Variants in COL5A1 observed in about 807,000 individuals in gnomAD.
The protein encoded by COL5A1 is collagen alpha-1(V) chain.
Under a neutral mutation model 263.7 loss-of-function variants are expected in COL5A1, and 16 were observed. The observed-to-expected ratio is 0.06, with a 90% confidence interval of 0.04 to 0.09. The LOEUF is 0.09. Ranked by LOEUF, COL5A1 falls within the 10% of genes least tolerant of loss-of-function variation. The probability of loss-of-function intolerance (pLI) is 1.00; values close to 1 mark genes in which losing one functional copy is unlikely to be tolerated. For synonymous variants in COL5A1, 1,012 were observed against 1,004.5 expected (o/e 1.01, Z -0.14); for missense variants, 2,036 against 2,540.5 (o/e 0.80, Z 4.27).
rs1834747768 is a variant in COL5A1 at position 134,728,677 on chromosome 9, AAGG to A, written c.797_799del (p.Gly266del). The A allele has an allele frequency of 1.2e-6, 2 of 1,613,974 alleles. No homozygotes were observed. Among genetic ancestry groups the A allele is most frequent in the South Asian group, 2.2e-5 (2 of 91,086 alleles). On this transcript the variant is annotated inframe_deletion, in exon 6 of 66. Coordinates refer to ENST00000371817, the MANE Select transcript of COL5A1 (RefSeq NM_000093.5). ...GCCGCAATTCGCTTTCAGTACACGG[AAGG>A]AGACGGCGAGGGTGAGACCTATTAC...
chr9:134,840,209 C>A (rs938703905), intron 65 of COL5A1, among the ~76,000 whole-genome samples: 1 of 152,226 alleles, frequency 6.6e-6, no homozygotes, highest in Admixed American at 6.5e-5. Context: ...TGAGAACTCG[C>A]GTTCTCTCTG....
chr9:134,756,049 C>G (rs1166677580), intron 16 of COL5A1, among the ~76,000 whole-genome samples: 1 of 152,102 alleles, frequency 6.6e-6, no homozygotes, highest in African/African-American at 2.4e-5. Flanking sequence ...GCGTGGAGGT[C>G]TGGCTGAGTT....
chr9:134,711,777 C>CT (rs934315045), intron 4 of COL5A1, among the ~76,000 whole-genome samples: 1 of 151,794 alleles, frequency 6.6e-6, no homozygotes, highest in African/African-American at 2.4e-5. Flanking sequence ...CTCATGACCC[C>CT]TTCTTGCATC....
At position 134,732,175 on chromosome 9, in the gene COL5A1, C is replaced by T. The variant is rs374285085; in HGVS notation, c.1389+48C>T. 6.7e-5 allele frequency: 107 copies of T among 1,600,806 alleles called. 2 individuals are homozygous for T. The highest frequency in any genetic ancestry group is 1.0e-4 in the Admixed American group (6 of 60,006). ...TCCCTGCGCCGGGGTGTCCGCTGCT[C>T]GGGGTCACAGCGGGGTGTGTAGGGT... is the stretch of plus-strand genomic sequence containing the variant. On this transcript the variant is annotated intron_variant, in intron 9 of 65. Coordinates refer to ENST00000371817, the MANE Select transcript of COL5A1 (RefSeq NM_000093.5).
At chr9:134,747,563 A>T (rs990193448) in intron 11 of COL5A1, among the ~76,000 whole-genome samples, 1 of 152,210 alleles carries the variant, frequency 6.6e-6, no homozygotes, top group African/African-American at 2.4e-5. Flanking sequence ...GCATGCATAC[A>T]TGTATTCACA....
rs898584656 is a variant in COL5A1, at chr9:134,758,562, C to T, written c.1935+266C>T. Among the ~76,000 whole-genome samples, 11 of 152,078 alleles carry T rather than the reference C, an allele frequency of 7.2e-5. No homozygotes were observed. The highest frequency in any genetic ancestry group is 4.6e-4 in the Admixed American group (7 of 15,274). On this transcript the variant is annotated intron_variant, in intron 18 of 65. Transcript: ENST00000371817. The surrounding 1 kb of genome is among the most constrained non-coding windows in gnomAD (Gnocchi z 4.1). Reference sequence around the variant, plus strand: ...GCCAGATGGGCCTACCCACCTGAGGCGCGTGAAGGGGGCAGGGAAGGAGCC... The same window carrying T: ...GCCAGATGGGCCTACCCACCTGAGGTGCGTGAAGGGGGCAGGGAAGGAGCC...
chr9:134,796,790 G>C (rs566749002), intron 35 of COL5A1, 58 bp from the exon 36 acceptor site: 1 of 1,524,040 alleles, frequency 6.6e-7, no homozygotes, highest in African/African-American at 1.4e-5. Flanking sequence ...GCAGGTCAGC[G>C]GCAGGAGCTG....
rs548385637 is a variant in COL5A1 at position 134,652,934 on chromosome 9, C to A, written c.109+10638C>A. The A allele has an allele frequency of 1.4e-4, 46 of 324,490 alleles. No individual in the cohort carries two copies. The highest frequency in any genetic ancestry group is 6.7e-4 in the African/African-American group (31 of 46,084). The allele number at this position is 324,490 out of a possible 1,614,324, so 20.1% of individuals were successfully genotyped here. ...AGTCAGTTCCCAGACCACGCGGATG[C>A]TGGAGCGTCTGGGGGTGCCACACTT... On this transcript the variant is annotated intron_variant, in intron 1 of 65. Transcript: ENST00000371817. The surrounding 1 kb of genome is among the most constrained non-coding windows in gnomAD (Gnocchi z 4.4).
At chr9:134,760,281 ACG>A (rs1427720396) in intron 18 of COL5A1, among the ~76,000 whole-genome samples, 6 of 105,126 alleles carry the variant, frequency 5.7e-5, no homozygotes, top group East Asian at 3.2e-4. Flanking sequence ...ACATGCACAC[ACG>A]CACACACCCC....
rs1428858656 is a variant in COL5A1, at chr9:134,758,006, G to A, written c.1882-237G>A. ...AGGACCCGTCGGGGCCTGGGACTTGGGGATGAAAGTCATCTCCCCCTTTGC... is the reference window on the plus strand; with the variant it reads ...AGGACCCGTCGGGGCCTGGGACTTGAGGATGAAAGTCATCTCCCCCTTTGC... On this transcript the variant is annotated intron_variant, in intron 17 of 65. Coordinates refer to ENST00000371817, the MANE Select transcript of COL5A1 (RefSeq NM_000093.5). The surrounding 1 kb of genome is among the most constrained non-coding windows in gnomAD (Gnocchi z 4.1). Among the ~76,000 whole-genome samples the A allele has an allele frequency of 6.6e-6, 1 of 152,202 alleles. No homozygotes were observed.
intron 57 of COL5A1, among the ~76,000 whole-genome samples, chr9:134,819,592 A>C (rs1172482426): frequency 6.6e-6 from 1 of 152,216 alleles, no homozygotes; most frequent in Non-Finnish European, 1.5e-5. Flanking sequence ...CCCAGCCCCA[A>C]GGCAAATGAG....
rs1156630499 is a variant in COL5A1 at position 134,841,809 on chromosome 9, G to T, written c.5371-348G>T. 6.6e-6 allele frequency among the ~76,000 whole-genome samples: 1 copy of T among 152,094 alleles called. No homozygotes were observed. Among genetic ancestry groups the T allele is most frequent in the African/African-American group, 2.4e-5 (1 of 41,418 alleles). On this transcript the variant is annotated intron_variant, in intron 65 of 65. Coordinates refer to ENST00000371817, the MANE Select transcript of COL5A1 (RefSeq NM_000093.5). This position sits in a 1 kb window ranked among gnomAD's most constrained non-coding sequence, Gnocchi z 4.8. Reference sequence around the variant, plus strand: ...AGGCTGCCTGGAAGTGAATACCTGGGGCATCACAAGGAGTCTGGACTGGGC... The same window carrying T: ...AGGCTGCCTGGAAGTGAATACCTGGTGCATCACAAGGAGTCTGGACTGGGC...
intron 4 of COL5A1, among the ~76,000 whole-genome samples, chr9:134,724,762 G>A (rs1287488781): frequency 6.6e-6 from 1 of 152,194 alleles, no homozygotes; most frequent in African/African-American, 2.4e-5. Flanking sequence ...GAGTCTTCAA[G>A]GCGGAGACAA....
chr9:134,771,271 G>A (rs1029562808), intron 25 of COL5A1, among the ~76,000 whole-genome samples: 1 of 152,246 alleles, frequency 6.6e-6, no homozygotes, highest in Non-Finnish European at 1.5e-5. Flanking sequence ...GATAGAAAGT[G>A]TAATAAAGGG....
In COL5A1 at chr9:134,818,805, G is replaced by C. The variant is rs773144272; in HGVS notation, c.4338+42G>C. 1 of 1,612,694 alleles carries C rather than the reference G, an allele frequency of 6.2e-7. No homozygotes were observed. The highest frequency in any genetic ancestry group is 1.7e-5 in the Admixed American group (1 of 60,008). ...GGGCAGAGGGGTTGCCGAGTGGAGG[G>C]ACGGGGGACCAGCAACTCATGCAGA... On this transcript the variant is annotated intron_variant, in intron 55 of 65. Transcript: ENST00000371817. The surrounding 1 kb of genome is among the most constrained non-coding windows in gnomAD (Gnocchi z 6.0).
chr9:134,705,332 C>G (rs533779993), intron 4 of COL5A1, among the ~76,000 whole-genome samples: 4 of 152,358 alleles, frequency 2.6e-5, no homozygotes, highest in African/African-American at 9.6e-5. Context: ...AGACGCGGAG[C>G]CTGAGTGTGT....
intron 63 of COL5A1, 80 bp from the exon 64 acceptor site, chr9:134,829,896 T>A (rs551593238): frequency 2.0e-6 from 3 of 1,487,010 alleles, no homozygotes; most frequent in Non-Finnish European, 1.8e-6. Flanking sequence ...CGGGAAAGCC[T>A]GGGGCCTTGC....
chr9:134,817,635 G>A, intron 53 of COL5A1, 143 bp from the exon 54 acceptor site: 1 of 769,736 alleles, frequency 1.3e-6, no homozygotes, highest in South Asian at 1.5e-5. Context: ...CTGCAGCCCG[G>A]CACACCCTGA....
At chr9:134,756,918 T>G (rs1835996839) in intron 17 of COL5A1, 100 bp downstream of exon 17, 1 of 1,188,912 alleles carries the variant, frequency 8.4e-7, no homozygotes, top group East Asian at 2.3e-5. Context: ...TGACTACGAT[T>G]ATGATGACAG....
Sources: gnomAD v4.1 joint callset for allele counts (sites outside exome capture counted in the v4.1 genomes callset) on GRCh38, gnomAD v4.1.1 for gene constraint, Gnocchi (gnomAD v3.1) non-coding constraint, MANE v1.5 for transcripts, NCBI Gene and HGNC (gene_info 2026-07-23, HGNC 2026-07-21) for gene names.